The following TP63 variants were observed in gnomAD, a reference collection of about 807,000 sequenced individuals.
TP63 encodes tumor protein p63.
Under a neutral mutation model 82.8 loss-of-function variants are expected in TP63, and 17 were observed. That is an observed-to-expected ratio of 0.21 (90% CI 0.14 to 0.31). The LOEUF (loss-of-function observed/expected upper bound fraction) is 0.31. Among genes scored for constraint, TP63 ranks in the 10% least tolerant of loss-of-function variants. TP63 has a pLI of 1.00. For missense variants in TP63, 648 were observed against 895.3 expected (o/e 0.72, Z 3.52); for synonymous variants, 330 against 321.7 (o/e 1.03, Z -0.28).
At chr3:189,761,174 G>T (rs1722542275) in intron 3 of TP63, among the ~76,000 whole-genome samples, 1 of 152,156 alleles carries the variant, frequency 6.6e-6, no homozygotes, top group Admixed American at 6.6e-5. Context: ...ACATTAGGCT[G>T]CTTGTTACTT....
At chr3:189,603,978 A>G in the TP63 span, among the ~76,000 whole-genome samples, 1 of 152,316 alleles carries the variant, frequency 6.6e-6, no homozygotes, top group South Asian at 2.1e-4. Flanking sequence ...GATAATTTTA[A>G]TGAGACAATC....
chr3:189,767,005 C>A (rs1160325386), intron 3 of TP63, among the ~76,000 whole-genome samples: 1 of 152,102 alleles, frequency 6.6e-6, no homozygotes, highest in African/African-American at 2.4e-5. Context: ...TCTTGGCTGG[C>A]ACTTTAAATA....
chr3:189,714,729 A>G (rs1015130616), intron 1 of TP63, among the ~76,000 whole-genome samples: 16 of 152,202 alleles, frequency 1.1e-4, no homozygotes, highest in Admixed American at 6.5e-5. Context: ...AAGGGCATAC[A>G]TAAATGACAA....
the TP63 span, among the ~76,000 whole-genome samples, chr3:189,614,186 G>A: frequency 6.6e-6 from 1 of 152,088 alleles, no homozygotes; most frequent in East Asian, 1.9e-4. Flanking sequence ...ATTCCCACCT[G>A]TTGTGGGAGG....
the TP63 span, among the ~76,000 whole-genome samples, chr3:189,616,911 C>T: frequency 1.3e-5 from 2 of 152,296 alleles, no homozygotes; most frequent in Admixed American, 1.3e-4. Flanking sequence ...CATCTTTTTC[C>T]ACCAGATACC....
intron 1 of TP63, among the ~76,000 whole-genome samples, chr3:189,660,056 A>G (rs955325363): frequency 1.3e-5 from 2 of 152,024 alleles, no homozygotes; most frequent in Admixed American, 6.6e-5. Context: ...CTTTAGTGTA[A>G]TTAGGTTCCA....
chr3:189,698,840 T>C (rs1018222327), intron 1 of TP63, among the ~76,000 whole-genome samples: 2 of 152,186 alleles, frequency 1.3e-5, no homozygotes, highest in African/African-American at 4.8e-5. Flanking sequence ...AAAATTGATA[T>C]TGCTTTTTTG....
chr3:189,667,168 ATTTTT>A (rs11439554), intron 1 of TP63, among the ~76,000 whole-genome samples: 3 of 122,122 alleles, frequency 2.5e-5, no homozygotes, highest in African/African-American at 9.2e-5. Context: ...AGAAGTTAGA[ATTTTT>A]TTTTTTTTTT....
At chr3:189,841,222 TTG>T (rs543149548) in intron 4 of TP63, among the ~76,000 whole-genome samples, 394 of 152,296 alleles carry the variant, frequency 2.6e-3, no homozygotes, top group Non-Finnish European at 4.3e-3. Context: ...AATTCTAACT[TTG>T]TGTTATCGTG....
chr3:189,864,255 C>G lies in TP63; in HGVS notation c.603C>G (p.Leu201=), dbSNP rs1439829728. Reference sequence around the variant, plus strand: ...AGTATTCCACTGAACTGAAGAAACTCTACTGCCAAATTGCAAAGACATGCC... The same window carrying G: ...AGTATTCCACTGAACTGAAGAAACTGTACTGCCAAATTGCAAAGACATGCC... The part of the protein sequence containing the change: ...TWTYSTELKK[L]YCQIAKTCPI... Residue 201 remains leucine (L), a synonymous_variant, in exon 5 of 14, where the codon CTC becomes CTG. Coordinates refer to ENST00000264731, the MANE Select transcript of TP63 (RefSeq NM_003722.5). 1.2e-6 allele frequency: 2 copies of G among 1,614,150 alleles called. No individual in the cohort carries two copies. The highest frequency in any genetic ancestry group is 1.1e-5 in the South Asian group (1 of 91,088).
chr3:189,873,362 T>C (rs1718671211), intron 10 of TP63: 1 of 330,892 alleles, frequency 3.0e-6, no homozygotes, highest in East Asian at 7.5e-5. Context: ...CTCATCCCAA[T>C]GGATTGTCTT....
chr3:189,838,107 A>G (rs956287954), intron 4 of TP63, among the ~76,000 whole-genome samples: 5 of 152,202 alleles, frequency 3.3e-5, no homozygotes, highest in African/African-American at 1.2e-4. Context: ...AATATGAGCT[A>G]AGCTATGACA....
At chr3:189,709,822 C>A (rs1183759010) in intron 1 of TP63, among the ~76,000 whole-genome samples, 1 of 152,098 alleles carries the variant, frequency 6.6e-6, no homozygotes, top group South Asian at 2.1e-4. Flanking sequence ...GATGATATAA[C>A]TCAGGATTGT....
intron 3 of TP63, among the ~76,000 whole-genome samples, chr3:189,739,122 A>G (rs1266668305): frequency 6.6e-6 from 1 of 152,016 alleles, no homozygotes; most frequent in Non-Finnish European, 1.5e-5. Context: ...TTTTATTTAT[A>G]TATTTATTTA....
intron 3 of TP63, among the ~76,000 whole-genome samples, chr3:189,755,366 A>G (rs544096130): frequency 6.6e-6 from 1 of 152,182 alleles, no homozygotes; most frequent in African/African-American, 2.4e-5. Flanking sequence ...TATCAAAAAG[A>G]CATAAATCCC....
chr3:189,668,853 C>T (rs984689976), intron 1 of TP63, among the ~76,000 whole-genome samples: 3 of 151,746 alleles, frequency 2.0e-5, no homozygotes, highest in Admixed American at 2.0e-4. Flanking sequence ...TCTCTAAAAA[C>T]AAAAATACAT....
chr3:189,652,505 G>A (rs1263454314), intron 1 of TP63, among the ~76,000 whole-genome samples: 1 of 147,148 alleles, frequency 6.8e-6, no homozygotes, highest in African/African-American at 2.6e-5. Context: ...CTCATAGGCA[G>A]AAGGGACTTG....
chr3:189,716,350 C>T (rs188641296), intron 1 of TP63, among the ~76,000 whole-genome samples: 2 of 152,272 alleles, frequency 1.3e-5, no homozygotes, highest in South Asian at 2.1e-4. Flanking sequence ...AATGATTTTA[C>T]ACCATAAAAT....
chr3:189,626,881 T>C (rs1365345088), upstream of TP63, among the ~76,000 whole-genome samples: 3 of 152,070 alleles, frequency 2.0e-5, no homozygotes, highest in Admixed American at 2.0e-4. Context: ...CTGTCTCTTA[T>C]AGTCTGTGAA....
Sources: allele counts gnomAD v4.1 joint callset (sites outside exome capture counted in the v4.1 genomes callset), GRCh38; gene constraint gnomAD v4.1.1; transcripts MANE v1.5; gene names NCBI Gene and HGNC (gene_info 2026-07-23, HGNC 2026-07-21).